RAB3B: variants seen among roughly 807,000 people sequenced by gnomAD.
RAB3B encodes RAB3B, member RAS oncogene family.
RAB3B carries 11 observed loss-of-function variants against 20.5 expected under a neutral mutation model. That is an observed-to-expected ratio of 0.54 (90% CI 0.34 to 0.89). The LOEUF (loss-of-function observed/expected upper bound fraction) is 0.89, where lower values mean the gene tolerates loss of function less well. Ranked by LOEUF, RAB3B falls within the 40% of genes least tolerant of loss-of-function variation. The probability of loss-of-function intolerance (pLI) is 0.02; values close to 1 mark genes in which losing one functional copy is unlikely to be tolerated. For synonymous variants in RAB3B, 99 were observed against 106.3 expected (o/e 0.93, Z 0.42); for missense variants, 225 against 280.9 (o/e 0.80, Z 1.42).
rs1401032586 is a variant in RAB3B at position 51,985,035 on chromosome 1, G to A, written c.-1+5517C>T. 3.9e-5 allele frequency among the ~76,000 whole-genome samples: 6 copies of A among 152,190 alleles called. No homozygotes were observed. In the South Asian group the frequency reaches 1.2e-3, roughly 32 times the overall value. ...TACCCTCAGATGAATTCTTAGGTAA[G>A]TCATATTGCCTCTCTAAGCCACAGC... On this transcript the variant is annotated intron_variant, in intron 1 of 4. Coordinates refer to ENST00000371655, the MANE Select transcript of RAB3B (RefSeq NM_002867.4).
At chr1:51,936,912 C>G (rs1008195219) in intron 3 of RAB3B, among the ~76,000 whole-genome samples, 3 of 151,954 alleles carry the variant, frequency 2.0e-5, no homozygotes, top group African/African-American at 7.3e-5. Context: ...CTCCCAGGTT[C>G]AAGCAATTCT....
At chr1:51,972,572 C>T (rs1399147834) in intron 2 of RAB3B, among the ~76,000 whole-genome samples, 1 of 146,638 alleles carries the variant, frequency 6.8e-6, no homozygotes, top group Admixed American at 7.0e-5. Context: ...AGGAAGTAAT[C>T]GAAGTTAAAT....
At chr1:51,947,292 A>T (rs1444046524) in intron 2 of RAB3B, among the ~76,000 whole-genome samples, 1 of 151,994 alleles carries the variant, frequency 6.6e-6, no homozygotes, top group African/African-American at 2.4e-5. Flanking sequence ...GCTAGTTGGG[A>T]GGCTAATGTG....
chr1:51,932,580 G>T (rs1355573790), intron 4 of RAB3B, among the ~76,000 whole-genome samples: 2 of 152,142 alleles, frequency 1.3e-5, no homozygotes, highest in African/African-American at 4.8e-5. Context: ...AAACCACATA[G>T]TTTTGTTCCT....
intron 2 of RAB3B, among the ~76,000 whole-genome samples, chr1:51,942,713 C>T (rs1183646919): frequency 6.6e-6 from 1 of 152,166 alleles, no homozygotes; most frequent in African/African-American, 2.4e-5. Context: ...TGCACTTCAA[C>T]TTATTACACT....
chr1:51,956,722 T>C (rs1684711215), intron 2 of RAB3B, among the ~76,000 whole-genome samples: 2 of 152,212 alleles, frequency 1.3e-5, no homozygotes, highest in Non-Finnish European at 2.9e-5. Context: ...CTTCCTCCTG[T>C]ATGACTCGCA....
intron 2 of RAB3B, among the ~76,000 whole-genome samples, chr1:51,966,823 C>T (rs1348232728): frequency 7.1e-6 from 1 of 141,676 alleles, no homozygotes; most frequent in Non-Finnish European, 1.5e-5. Flanking sequence ...TGTCAGAGCC[C>T]CAGTTTCCCT....
intron 2 of RAB3B, among the ~76,000 whole-genome samples, chr1:51,939,715 C>T (rs922382885): frequency 6.6e-6 from 1 of 152,202 alleles, no homozygotes; most frequent in Non-Finnish European, 1.5e-5. Context: ...ACTGGGACCA[C>T]AGGCATGTGC....
At chr1:51,952,895 T>A (rs1312778524) in intron 2 of RAB3B, among the ~76,000 whole-genome samples, 1 of 152,138 alleles carries the variant, frequency 6.6e-6, no homozygotes, top group Non-Finnish European at 1.5e-5. Flanking sequence ...GTTCCTGCTG[T>A]GTCTCCTACA....
At chr1:51,968,781 G>A (rs1258490641) in intron 2 of RAB3B, among the ~76,000 whole-genome samples, 1 of 152,178 alleles carries the variant, frequency 6.6e-6, no homozygotes, top group African/African-American at 2.4e-5. Context: ...GTGGACATAA[G>A]GCAGATGACT....
chr1:51,919,966 C>G lies in RAB3B; in HGVS notation c.621G>C (p.Ser207=). ...TCTGCTGCAGCAGCGGTGGGGTGTC[C>G]GAGAGACGCGTGTTCTTGGAGGAGC... ...MLGSSKNTRL[S]DTPPLLQQNC... Residue 207 remains serine, a synonymous_variant, in exon 5 of 5, where the codon TCG becomes TCC. Coordinates refer to ENST00000371655, the MANE Select transcript of RAB3B (RefSeq NM_002867.4). 6.2e-7 allele frequency: 1 copy of G among 1,613,792 alleles called. No individual in the cohort carries two copies. Among genetic ancestry groups the G allele is most frequent in the Non-Finnish European group, 8.5e-7 (1 of 1,179,892 alleles).
intron 2 of RAB3B, among the ~76,000 whole-genome samples, chr1:51,949,041 T>C (rs1369043391): frequency 1.3e-5 from 2 of 152,196 alleles, no homozygotes; most frequent in Non-Finnish European, 2.9e-5. Flanking sequence ...TCTGCTGGCC[T>C]CCCAAAGCCT....
At chr1:51,952,670 T>G (rs1684656191) in intron 2 of RAB3B, among the ~76,000 whole-genome samples, 3 of 147,438 alleles carry the variant, frequency 2.0e-5, no homozygotes, top group South Asian at 2.2e-4. Flanking sequence ...AATGAATAAA[T>G]GAATAAAGGA....
At position 51,933,244 on chromosome 1, in the gene RAB3B, C is replaced by T. The variant is rs765653332; in HGVS notation, c.472+74G>A. ...CTAATGTCATAAATACAAACACACTCGTACCCTGTTTACCCCACTCTCATG... is the reference window on the plus strand; with the variant it reads ...CTAATGTCATAAATACAAACACACTTGTACCCTGTTTACCCCACTCTCATG... On this transcript the variant is annotated intron_variant, in intron 4 of 4. Coordinates refer to ENST00000371655, the MANE Select transcript of RAB3B (RefSeq NM_002867.4). The T allele has an allele frequency of 3.1e-5, 46 of 1,501,932 alleles. No individual in the cohort carries two copies. The African/African-American group carries it at 3.3e-4, about 11-fold the overall frequency. The allele number at this position is 1,501,932 out of a possible 1,614,324, so 93.0% of individuals were successfully genotyped here. A position where few individuals can be genotyped will look rare whatever the true frequency, so the allele number is the denominator to read the frequency against.
At chr1:51,965,168 G>A (rs548150042) in intron 2 of RAB3B, among the ~76,000 whole-genome samples, 12 of 151,402 alleles carry the variant, frequency 7.9e-5, no homozygotes, top group Admixed American at 2.0e-4. Context: ...GCAGTGAGCC[G>A]AGATTGCGCC....
At chr1:51,986,369 C>T (rs34034858) in intron 1 of RAB3B, among the ~76,000 whole-genome samples, 5,455 of 152,104 alleles carry the variant, frequency 0.036, 121 homozygotes, top group Non-Finnish European at 0.043. Context: ...CCAGGATGGT[C>T]TCGGTCTCCT....
chr1:51,972,728 A>C (rs1392358166), intron 2 of RAB3B, among the ~76,000 whole-genome samples: 2 of 152,124 alleles, frequency 1.3e-5, no homozygotes, highest in Non-Finnish European at 2.9e-5. Context: ...CCGAGGGGAG[A>C]GCTCTCATCA....
At chr1:51,978,662 C>T (rs919655351) in intron 1 of RAB3B, among the ~76,000 whole-genome samples, 32 of 152,210 alleles carry the variant, frequency 2.1e-4, no homozygotes, top group African/African-American at 7.5e-4. Flanking sequence ...TGCTTCTCCA[C>T]CTGAAATCTC....
chr1:51,936,652 C>T (rs1018834735), intron 3 of RAB3B, among the ~76,000 whole-genome samples: 9 of 152,100 alleles, frequency 5.9e-5, no homozygotes, highest in African/African-American at 1.7e-4. Flanking sequence ...ATTTGTCCCT[C>T]GGGCTAACTC....
Sources: allele counts gnomAD v4.1 joint callset (sites outside exome capture counted in the v4.1 genomes callset), GRCh38; gene constraint gnomAD v4.1.1; transcripts MANE v1.5; gene names NCBI Gene and HGNC (gene_info 2026-07-23, HGNC 2026-07-21).